Variants in CCDC73 observed in about 807,000 individuals in gnomAD.
CCDC73 encodes the protein coiled-coil domain-containing protein 73.
In CCDC73, 95 loss-of-function variants were observed where a neutral mutation model predicts 116.5. The ratio of observed to expected loss-of-function variants is 0.82; its 90% CI spans 0.69 to 0.97. The LOEUF is 0.97. Ranked by LOEUF, CCDC73 falls within the 50% of genes least tolerant of loss-of-function variation. The probability of loss-of-function intolerance (pLI) is 0.00; values close to 1 mark genes in which losing one functional copy is unlikely to be tolerated. For synonymous variants in CCDC73, 398 were observed against 401.3 expected (o/e 0.99, Z 0.10); for missense variants, 1,066 against 1,206.8 (o/e 0.88, Z 1.73).
intron 2 of CCDC73, among the ~76,000 whole-genome samples, chr11:32,751,453 C>T (rs1202497530): frequency 6.6e-6 from 1 of 152,136 alleles, no homozygotes; most frequent in East Asian, 1.9e-4. Context: ...TATTTGGAAA[C>T]CCCCCAGCGG....
intron 6 of CCDC73, among the ~76,000 whole-genome samples, chr11:32,686,209 C>CAAAAA (rs34582756): frequency 1.2e-4 from 7 of 56,852 alleles, no homozygotes; most frequent in African/African-American, 3.1e-4. Flanking sequence ...GAGGGAAAGC[C>CAAAAA]AAAAAAAAAA....
At chr11:32,752,281 A>G (rs1200677232) in intron 2 of CCDC73, among the ~76,000 whole-genome samples, 2 of 152,360 alleles carry the variant, frequency 1.3e-5, no homozygotes, top group South Asian at 4.1e-4. Context: ...AGCCACAAAT[A>G]TAACAGCATC....
At chr11:32,749,389 C>T (rs1850267226) in intron 2 of CCDC73, among the ~76,000 whole-genome samples, 1 of 151,890 alleles carries the variant, frequency 6.6e-6, no homozygotes, top group Non-Finnish European at 1.5e-5. Context: ...TTATTTCAAT[C>T]TCTTTATTAA....
In CCDC73 at chr11:32,602,985, T is replaced by G; in HGVS notation, c.3066A>C (p.Gln1022His). Residue 1022 changes from glutamine (Q) to histidine (H), a missense_variant, in exon 18 of 18, where the codon CAA becomes CAC. By Grantham distance (24) the Gln-to-His change is conservative (BLOSUM62 0). Transcript: ENST00000335185. ...KTKPLISTPLQSHLQAIKTTK... is the reference protein window; with the variant it reads ...KTKPLISTPLHSHLQAIKTTK... The stretch of plus-strand genomic sequence containing the variant: ...TCGTCTTGATTGCCTGCAAATGGCT[T>G]TGTAGTGGAGTTGATATCAGAGGCT... 6.2e-7 allele frequency: 1 copy of G among 1,612,356 alleles called. No homozygotes were observed.
At chr11:32,707,375 C>T (rs938007005) in intron 3 of CCDC73, among the ~76,000 whole-genome samples, 10 of 150,886 alleles carry the variant, frequency 6.6e-5, no homozygotes, top group African/African-American at 2.2e-4. Flanking sequence ...CAGTGCTACT[C>T]GAAGTTACTT....
chr11:32,767,077 A>C (rs1052073387), intron 1 of CCDC73, among the ~76,000 whole-genome samples: 7 of 152,248 alleles, frequency 4.6e-5, no homozygotes, highest in Non-Finnish European at 1.0e-4. Context: ...ACTATACTAC[A>C]AGGCTACAGG....
intron 1 of CCDC73, among the ~76,000 whole-genome samples, chr11:32,763,416 G>GCAGCAACATTTGCTGTT (rs1850409948): frequency 1.3e-5 from 2 of 152,196 alleles, no homozygotes; most frequent in Non-Finnish European, 2.9e-5. Flanking sequence ...GAACGATCAG[G>GCAGCAACATTTGCTGTT]CAGCAACATT....
chr11:32,795,231 G>A (rs1850714309), upstream of CCDC73, among the ~76,000 whole-genome samples: 1 of 152,158 alleles, frequency 6.6e-6, no homozygotes, highest in Non-Finnish European at 1.5e-5. Context: ...CAATTTGGGA[G>A]GCTGAGGTGG....
intron 14 of CCDC73, among the ~76,000 whole-genome samples, chr11:32,623,513 G>A (rs547874449): frequency 4.6e-5 from 7 of 151,950 alleles, no homozygotes; most frequent in Admixed American, 1.3e-4. Flanking sequence ...GCCATGCCCC[G>A]CTAATTTTTA....
chr11:32,751,875 A>G (rs2133367963), intron 2 of CCDC73, among the ~76,000 whole-genome samples: 1 of 152,296 alleles, frequency 6.6e-6, no homozygotes, highest in South Asian at 2.1e-4. Flanking sequence ...AAAACTTAGT[A>G]ATTTAAAACA....
intron 1 of CCDC73, among the ~76,000 whole-genome samples, chr11:32,769,148 T>G (rs1850470699): frequency 6.6e-6 from 1 of 152,194 alleles, no homozygotes; most frequent in South Asian, 2.1e-4. Flanking sequence ...AACAGTTTGT[T>G]AGTATTACGT....
chr11:32,646,554 G>A (rs1238376348), intron 12 of CCDC73, among the ~76,000 whole-genome samples: 1 of 152,152 alleles, frequency 6.6e-6, no homozygotes. Flanking sequence ...TGTCTTCTAC[G>A]TTCCAGTGTT....
intron 14 of CCDC73, among the ~76,000 whole-genome samples, chr11:32,622,237 T>C (rs1855528390): frequency 1.3e-5 from 2 of 152,116 alleles, no homozygotes; most frequent in Non-Finnish European, 2.9e-5. Flanking sequence ...CTATTCGCAA[T>C]AGCAAAGACA....
chr11:32,628,472 G>C (rs549817825), intron 14 of CCDC73, among the ~76,000 whole-genome samples: 1 of 152,302 alleles, frequency 6.6e-6, no homozygotes, highest in African/African-American at 2.4e-5. Flanking sequence ...ATGAAGACTT[G>C]CAGGGGCGCC....
chr11:32,608,468 T>C (rs761006202), intron 17 of CCDC73, among the ~76,000 whole-genome samples: 2 of 152,220 alleles, frequency 1.3e-5, no homozygotes, highest in Admixed American at 6.5e-5. Flanking sequence ...TGGGTTCTTA[T>C]GGCCTTGGGC....
In CCDC73 at chr11:32,704,404, G is replaced by A. The variant is rs1056664413; in HGVS notation, c.208-1460C>T. Among the ~76,000 whole-genome samples the A allele has an allele frequency of 3.9e-5, 6 of 152,182 alleles. No individual in the cohort carries two copies. The East Asian group carries it at 5.8e-4, about 15-fold the overall frequency. ...AACCAGGACAAGTATGCGCACACTC[G>A]GGGCAGCGCTGACATGCCAGACCCT... On this transcript the variant is annotated intron_variant, in intron 3 of 17. Transcript: ENST00000335185.
chr11:32,648,664 G>A (rs988914562), intron 12 of CCDC73, among the ~76,000 whole-genome samples: 7 of 151,678 alleles, frequency 4.6e-5, no homozygotes, highest in Non-Finnish European at 1.0e-4. Flanking sequence ...CAATTCCTCT[G>A]CCTCAGGCTC....
chr11:32,827,702 G>A, the CCDC73 span, among the ~76,000 whole-genome samples: 1 of 152,172 alleles, frequency 6.6e-6, no homozygotes, highest in Non-Finnish European at 1.5e-5. Context: ...GCACTCCCCT[G>A]GGTACTGTCG....
At chr11:32,787,032 T>C (rs1287580039) in intron 1 of CCDC73, among the ~76,000 whole-genome samples, 2 of 152,176 alleles carry the variant, frequency 1.3e-5, no homozygotes, top group Non-Finnish European at 2.9e-5. Flanking sequence ...CACTTTGACC[T>C]GAGGCCAACA....
Sources: allele counts gnomAD v4.1 joint callset (sites outside exome capture counted in the v4.1 genomes callset), GRCh38; gene constraint gnomAD v4.1.1; transcripts MANE v1.5; gene names NCBI Gene and HGNC (gene_info 2026-07-23, HGNC 2026-07-21).